The following ANGPT1 variants were observed in gnomAD, a reference collection of about 807,000 sequenced individuals.
The protein encoded by ANGPT1 is angiopoietin 1, also known as angiopoietin-1.
ANGPT1 carries 17 observed loss-of-function variants against 62.2 expected under a neutral mutation model. The observed-to-expected ratio is 0.27, with a 90% CI of 0.19 to 0.41. The LOEUF is 0.41. ANGPT1 is among the 10% of genes least tolerant of loss of function. ANGPT1 has a pLI of 1.00. For synonymous variants in ANGPT1, 199 were observed against 198.9 expected (o/e 1.00, Z 0.00); for missense variants, 478 against 594.9 (o/e 0.80, Z 2.04).
intron 1 of ANGPT1, among the ~76,000 whole-genome samples, chr8:107,468,374 T>C (rs925551261): frequency 1.3e-5 from 2 of 151,976 alleles, no homozygotes; most frequent in African/African-American, 4.8e-5. Flanking sequence ...TAAATTAAAT[T>C]AAAAAGTCAG....
At chr8:107,287,452 C>A (rs114761241) in intron 6 of ANGPT1, among the ~76,000 whole-genome samples, 1 of 152,128 alleles carries the variant, frequency 6.6e-6, no homozygotes. Flanking sequence ...ACATTTATTT[C>A]GAGCTCCTTC....
chr8:107,444,342 G>A lies in ANGPT1; in HGVS notation c.297+52920C>T, dbSNP rs145491789. On this transcript the variant is annotated intron_variant, in intron 1 of 8. Coordinates refer to ENST00000517746, the MANE Select transcript of ANGPT1 (RefSeq NM_001146.5). ...CACAGAGGCCATACACAATTTATGA[G>A]GAAAAAGCAAATCACACTCTCTTCA... Among the ~76,000 whole-genome samples the A allele has an allele frequency of 1.2e-3, 184 of 152,242 alleles. 1 individual carries two copies. Among genetic ancestry groups the A allele is most frequent in the Middle Eastern group, 3.4e-3 (1 of 294 alleles).
At chr8:107,333,956 G>GA (rs1249536149) in intron 3 of ANGPT1, among the ~76,000 whole-genome samples, 25 of 106,282 alleles carry the variant, frequency 2.4e-4, no homozygotes, top group African/African-American at 8.1e-4. Context: ...AAGAAAGAAA[G>GA]AAAAGAAAGA....
At chr8:107,416,222 G>A (rs764898964) in intron 1 of ANGPT1, among the ~76,000 whole-genome samples, 1 of 152,154 alleles carries the variant, frequency 6.6e-6, no homozygotes, top group Non-Finnish European at 1.5e-5. Flanking sequence ...CCAATCGCAA[G>A]TTAGGGCCTC....
intron 6 of ANGPT1, among the ~76,000 whole-genome samples, chr8:107,291,890 A>T (rs1814285402): frequency 2.9e-4 from 1 of 3,446 alleles, no homozygotes; most frequent in Non-Finnish European, 7.8e-4. Flanking sequence ...TCCACTGAAG[A>T]TGGGGGGGGG....
intron 8 of ANGPT1, among the ~76,000 whole-genome samples, chr8:107,262,989 G>C (rs1233628387): frequency 1.3e-5 from 2 of 152,042 alleles, no homozygotes; most frequent in Non-Finnish European, 1.5e-5. Flanking sequence ...AGAATATTGT[G>C]AATGCATTCT....
chr8:107,427,117 A>G (rs183732132), intron 1 of ANGPT1, among the ~76,000 whole-genome samples: 3 of 152,320 alleles, frequency 2.0e-5, no homozygotes, highest in Non-Finnish European at 2.9e-5. Flanking sequence ...TTCTGATTTT[A>G]AAACATCACT....
intron 1 of ANGPT1, among the ~76,000 whole-genome samples, chr8:107,479,229 C>T (rs1373711633): frequency 6.6e-6 from 1 of 151,916 alleles, no homozygotes; most frequent in African/African-American, 2.4e-5. Flanking sequence ...TCCTGTGTTC[C>T]TGCTATGGTG....
At chr8:107,276,021 T>A (rs774156792) in intron 7 of ANGPT1, among the ~76,000 whole-genome samples, 32 of 152,118 alleles carry the variant, frequency 2.1e-4, no homozygotes, top group Non-Finnish European at 3.8e-4. Flanking sequence ...GTGAAGAGAT[T>A]TTCCCAACAC....
intron 1 of ANGPT1, among the ~76,000 whole-genome samples, chr8:107,396,595 A>G (rs1236254265): frequency 1.5e-5 from 2 of 131,002 alleles, no homozygotes; most frequent in African/African-American, 5.9e-5. Flanking sequence ...ACCAAAACTC[A>G]CTGCAGCCTC....
At chr8:107,399,169 C>A (rs1485115256) in intron 1 of ANGPT1, among the ~76,000 whole-genome samples, 1 of 152,058 alleles carries the variant, frequency 6.6e-6, no homozygotes, top group Non-Finnish European at 1.5e-5. Context: ...CAACTTTAGG[C>A]CTGAAGTCCT....
At chr8:107,373,659 G>T (rs1216989722) in intron 1 of ANGPT1, among the ~76,000 whole-genome samples, 1 of 152,052 alleles carries the variant, frequency 6.6e-6, no homozygotes, top group Non-Finnish European at 1.5e-5. Context: ...TTCTTTCTAG[G>T]GGCTCTCTTG....
intron 1 of ANGPT1, among the ~76,000 whole-genome samples, chr8:107,354,944 T>C (rs1816010405): frequency 6.7e-6 from 1 of 149,886 alleles, no homozygotes; most frequent in Non-Finnish European, 1.5e-5. Context: ...AGAGGGAGTC[T>C]CTGTCACCCA....
At chr8:107,274,523 TTAAAGATAAAAGAGA>T (rs1348325230) in intron 7 of ANGPT1, among the ~76,000 whole-genome samples, 23 of 152,212 alleles carry the variant, frequency 1.5e-4, no homozygotes, top group Non-Finnish European at 2.5e-4. Context: ...TCATTTGCAG[TTAAAGATAAAAGAGA>T]TAAAGATAAA....
chr8:107,467,392 C>G (rs1812232394), intron 1 of ANGPT1, among the ~76,000 whole-genome samples: 1 of 151,556 alleles, frequency 6.6e-6, no homozygotes, highest in African/African-American at 2.4e-5. Flanking sequence ...GAACAATGAG[C>G]CCACCAAAAC....
chr8:107,452,348 T>C (rs1038012273), intron 1 of ANGPT1, among the ~76,000 whole-genome samples: 5 of 151,836 alleles, frequency 3.3e-5, no homozygotes, highest in African/African-American at 1.2e-4. Context: ...CAAAAAGCTG[T>C]GGATCCCAGT....
At position 107,391,582 on chromosome 8, in the gene ANGPT1, G is replaced by A. The variant is rs557740284; in HGVS notation, c.298-44485C>T. The stretch of plus-strand genomic sequence containing the variant: ...CTTGAGAGGCTGAGGCAGGAGAATC[G>A]CTTGAACCCGAGAGGCTGAGGTTGG... On this transcript the variant is annotated intron_variant, in intron 1 of 8. Coordinates refer to ENST00000517746, the MANE Select transcript of ANGPT1 (RefSeq NM_001146.5). 1.1e-3 allele frequency among the ~76,000 whole-genome samples: 165 copies of A among 152,198 alleles called. No individual in the cohort carries two copies. The Middle Eastern group carries it at 0.017, about 16-fold the overall frequency.
At chr8:107,456,594 T>C (rs1811925811) in intron 1 of ANGPT1, among the ~76,000 whole-genome samples, 2 of 152,034 alleles carry the variant, frequency 1.3e-5, no homozygotes, top group Admixed American at 1.3e-4. Context: ...TTATACATAA[T>C]ACTGAGCAAA....
At chr8:107,437,064 T>A (rs2916084) in intron 1 of ANGPT1, among the ~76,000 whole-genome samples, 108,914 of 151,866 alleles carry the variant, frequency 0.72, 39,357 homozygotes, top group East Asian at 0.85. Context: ...GAACTGCTGG[T>A]TGGGTCAGAA....
Sources: allele counts gnomAD v4.1 joint callset (sites outside exome capture counted in the v4.1 genomes callset), GRCh38; gene constraint gnomAD v4.1.1; transcripts MANE v1.5; gene names NCBI Gene and HGNC (gene_info 2026-07-23, HGNC 2026-07-21).